The following WDR64 variants were observed in gnomAD, a reference collection of about 807,000 sequenced individuals.
The protein encoded by WDR64 is WD repeat domain 64.
In WDR64, 112 loss-of-function variants were observed where a neutral mutation model predicts 139.3. That is an observed-to-expected ratio of 0.80 (90% CI 0.69 to 0.94). WDR64 has a LOEUF of 0.94. Among genes scored for constraint, WDR64 ranks in the 40% least tolerant of loss-of-function variants. The probability of loss-of-function intolerance (pLI) is 0.00; values close to 1 mark genes in which losing one functional copy is unlikely to be tolerated. For synonymous variants in WDR64, 444 were observed against 437.7 expected (o/e 1.01, Z -0.18); for missense variants, 1,206 against 1,293.1 (o/e 0.93, Z 1.03).
intron 12 of WDR64, among the ~76,000 whole-genome samples, chr1:241,742,665 G>A (rs965993474): frequency 6.6e-6 from 1 of 152,194 alleles, no homozygotes; most frequent in East Asian, 1.9e-4. Context: ...GCCCTAAGGG[G>A]TTGTTTATGG....
At chr1:241,735,481 A>C (rs1669261913) in intron 10 of WDR64, among the ~76,000 whole-genome samples, 1 of 150,652 alleles carries the variant, frequency 6.6e-6, no homozygotes, top group South Asian at 2.1e-4. Flanking sequence ...TATTTTTCTA[A>C]AAAGTATAGT....
At chr1:241,696,345 T>A (rs2148135454) in intron 8 of WDR64, among the ~76,000 whole-genome samples, 1 of 151,948 alleles carries the variant, frequency 6.6e-6, no homozygotes, top group East Asian at 1.9e-4. Context: ...GGGATCCTGA[T>A]CCTGACCCCC....
intron 11 of WDR64, among the ~76,000 whole-genome samples, chr1:241,740,504 C>T (rs1332888119): frequency 6.6e-6 from 1 of 152,134 alleles, no homozygotes; most frequent in African/African-American, 2.4e-5. Flanking sequence ...TTTAGTAACT[C>T]CTGTAGAAAC....
chr1:241,790,447 T>A, intron 24 of WDR64, 144 bp from the exon 25 acceptor site: 1 of 613,894 alleles, frequency 1.6e-6, no homozygotes, highest in Non-Finnish European at 2.8e-6. Flanking sequence ...GGTATAAGAG[T>A]TGAGTGTAGA....
chr1:241,715,373 C>T (rs370276255), intron 9 of WDR64, among the ~76,000 whole-genome samples: 1 of 152,190 alleles, frequency 6.6e-6, no homozygotes, highest in African/African-American at 2.4e-5. Context: ...CCCATTGCTC[C>T]TTCCTGAGTT....
intron 14 of WDR64, among the ~76,000 whole-genome samples, chr1:241,754,437 A>C (rs1480564988): frequency 6.7e-6 from 1 of 148,318 alleles, no homozygotes; most frequent in African/African-American, 2.5e-5. Flanking sequence ...CTCCTGCCTC[A>C]GCCTCCCGAG....
Position 241,736,415 on chromosome 1 carries a change from T to TAAA in WDR64, c.1195-1932_1195-1930dup, listed in dbSNP as rs59588872. Reference sequence around the variant, plus strand: ...CTTTAGTTCTCTTTATGGAAGAGTTTAAAAAAAAAAAAAAAAAAGAGTAGG... The same window carrying TAAA: ...CTTTAGTTCTCTTTATGGAAGAGTTTAAAAAAAAAAAAAAAAAAAAAGAGTAGG... On this transcript the variant is annotated intron_variant, in intron 10 of 27. Coordinates refer to ENST00000437684, the MANE Select transcript of WDR64 (RefSeq NM_001367482.1). Among the ~76,000 whole-genome samples the TAAA allele has an allele frequency of 1.4e-3, 193 of 134,644 alleles. 2 individuals are homozygous for TAAA. The highest frequency in any genetic ancestry group is 4.3e-3 in the African/African-American group (151 of 35,470). The allele number at this position is 134,644 out of a possible 152,430, so 88.3% of individuals were successfully genotyped here.
chr1:241,750,948 T>C (rs137890717), intron 14 of WDR64, among the ~76,000 whole-genome samples: 2 of 152,352 alleles, frequency 1.3e-5, no homozygotes, highest in African/African-American at 4.8e-5. Context: ...AGCTTTATAA[T>C]ATAATGTTGA....
At chr1:241,775,542 T>C (rs1658629101) in intron 21 of WDR64, among the ~76,000 whole-genome samples, 1 of 152,096 alleles carries the variant, frequency 6.6e-6, no homozygotes, top group African/African-American at 2.4e-5. Flanking sequence ...GTTGCATTAA[T>C]CTTAATTATT....
At chr1:241,681,086 TTC>T (rs113784729) in intron 6 of WDR64, among the ~76,000 whole-genome samples, 28 of 150,218 alleles carry the variant, frequency 1.9e-4, no homozygotes, top group African/African-American at 3.7e-4. Context: ...CTACAGCCTC[TTC>T]TCTCTCTCTC....
chr1:241,749,637 G>A lies in WDR64; in HGVS notation c.1685G>A (p.Arg562Gln), dbSNP rs1248349067. 3 of 1,614,104 alleles carry A rather than the reference G, an allele frequency of 1.9e-6. No individual in the cohort carries two copies. The highest frequency in any genetic ancestry group is 2.5e-6 in the Non-Finnish European group (3 of 1,180,006). ...TGGAAGGAGGACGAGCACTGCCTAC[G>A]ACGCCTCATTTTCCTCAAAGCCCAA... ...KDWKEDEHCL[R>Q]RLIFLKAQEK... Residue 562 changes from arginine (R) to glutamine (Q), a missense_variant, in exon 14 of 28, where the codon CGA becomes CAA. Transcript: ENST00000437684.
At chr1:241,673,088 C>CA (rs1286692515) in intron 3 of WDR64, among the ~76,000 whole-genome samples, 5 of 150,988 alleles carry the variant, frequency 3.3e-5, no homozygotes, top group African/African-American at 1.2e-4. Context: ...ATCGCAAGGA[C>CA]AAAAAACCAA....
chr1:241,799,501 A>G (rs1486883606), intron 27 of WDR64, among the ~76,000 whole-genome samples: 5 of 152,102 alleles, frequency 3.3e-5, no homozygotes, highest in Non-Finnish European at 4.4e-5. Flanking sequence ...TTTCAAATCA[A>G]TGTTGCCCAG....
chr1:241,790,642 G>C lies in WDR64; in HGVS notation c.2943G>C (p.Lys981Asn). The change falls in exon 25 of 28, where the codon AAG (lysine) becomes AAC (asparagine). Residue 981 changes from lysine (K) to asparagine (N), a missense_variant. Transcript: ENST00000437684. ...VSLLFKRTPP[K>N]AFEVEQDFKF... ...TACTTTTCAAACGCACACCTCCCAAGGCCTTTGAAGTGGAACAGGATTTCA... is the reference window on the plus strand; with the variant it reads ...TACTTTTCAAACGCACACCTCCCAACGCCTTTGAAGTGGAACAGGATTTCA... 1 of 1,611,262 alleles carries C rather than the reference G, an allele frequency of 6.2e-7. No individual in the cohort carries two copies. The highest frequency in any genetic ancestry group is 8.5e-7 in the Non-Finnish European group (1 of 1,179,568).
chr1:241,736,781 C>T (rs893596512), intron 10 of WDR64, among the ~76,000 whole-genome samples: 2 of 152,166 alleles, frequency 1.3e-5, no homozygotes, highest in African/African-American at 4.8e-5. Context: ...ATAATCACAT[C>T]AATTAAATAA....
chr1:241,796,350 G>T lies in WDR64; in HGVS notation c.3172G>T (p.Gly1058Cys). The change falls in exon 27 of 28, where the codon GGT becomes TGT. Residue 1058 changes from glycine to cysteine, a missense_variant. By Grantham distance (159) the Gly-to-Cys change is radical (BLOSUM62 -3). Transcript: ENST00000437684. ...SDGITGKKKG[G>C]HVQREKAPRR... is the part of the protein sequence containing the mutation. Reference sequence around the variant, plus strand: ...TGGCATTACAGGAAAGAAGAAGGGAGGTCATGTTCAACGTGAAAAAGTAAG... The same window carrying T: ...TGGCATTACAGGAAAGAAGAAGGGATGTCATGTTCAACGTGAAAAAGTAAG... 6.2e-7 allele frequency: 1 copy of T among 1,612,902 alleles called. No individual in the cohort carries two copies.
intron 2 of WDR64, among the ~76,000 whole-genome samples, chr1:241,667,030 T>G (rs1408486489): frequency 1.3e-5 from 2 of 152,186 alleles, no homozygotes; most frequent in African/African-American, 4.8e-5. Context: ...ACCTGATGCC[T>G]TGGCACTATC....
chr1:241,715,696 T>A (rs1668376118), intron 9 of WDR64, among the ~76,000 whole-genome samples: 1 of 152,218 alleles, frequency 6.6e-6, no homozygotes. Context: ...CATTATGCTG[T>A]CACATTAATC....
At chr1:241,797,886 T>C (rs931489673) in intron 27 of WDR64, among the ~76,000 whole-genome samples, 2 of 152,236 alleles carry the variant, frequency 1.3e-5, no homozygotes, top group Non-Finnish European at 2.9e-5. Flanking sequence ...ATGCATTTTA[T>C]GTCTATTTGC....
Sources: allele counts gnomAD v4.1 joint callset (sites outside exome capture counted in the v4.1 genomes callset), GRCh38; gene constraint gnomAD v4.1.1; transcripts MANE v1.5; gene names NCBI Gene and HGNC (gene_info 2026-07-23, HGNC 2026-07-21).